SYT14: variants seen among roughly 807,000 people sequenced by gnomAD.
SYT14 encodes synaptotagmin 14.
SYT14 carries 32 observed loss-of-function variants against 74.2 expected under a neutral mutation model. That is an observed-to-expected ratio of 0.43 (90% CI 0.33 to 0.58). The LOEUF (loss-of-function observed/expected upper bound fraction) is 0.58, where lower values mean the gene tolerates loss of function less well. SYT14 is among the 20% of genes least tolerant of loss of function. The pLI is 0.05. For synonymous variants in SYT14, 298 were observed against 337.7 expected (o/e 0.88, Z 1.29); for missense variants, 791 against 981.8 (o/e 0.81, Z 2.60).
chr1:210,098,538 CAG>C (rs1368667475), intron 6 of SYT14, among the ~76,000 whole-genome samples: 1 of 152,082 alleles, frequency 6.6e-6, no homozygotes, highest in Non-Finnish European at 1.5e-5. Context: ...AAGAGTGAGA[CAG>C]AGAGTAGAGA....
intron 7 of SYT14, among the ~76,000 whole-genome samples, chr1:210,142,561 C>T (rs2082938402): frequency 6.6e-6 from 1 of 152,050 alleles, no homozygotes; most frequent in African/African-American, 2.4e-5. Flanking sequence ...CATATGCTGG[C>T]ATGGAGATTG....
chr1:210,094,455 C>T (rs1238116198), exon 6 of SYT14: 10 of 1,613,876 alleles, frequency 6.2e-6, no homozygotes, highest in Non-Finnish European at 7.6e-6. Context: ...GTGAATTTTC[C>T]CACTGCAGCA....
chr1:209,987,371 C>G (rs573195380), intron 2 of SYT14, among the ~76,000 whole-genome samples: 1 of 152,294 alleles, frequency 6.6e-6, no homozygotes, highest in East Asian at 1.9e-4. Context: ...GCAAGCATGG[C>G]GCTGGCATCT....
Position 210,037,522 on chromosome 1 carries a change from T to C in SYT14, c.1312+16268T>C, listed in dbSNP as rs1319913367. Reference sequence around the variant, plus strand: ...GCAACATTAGGTTGGTGATTTGTGATTTTTCTGTTTTTTTTTTTTTTATTG... The same window carrying C: ...GCAACATTAGGTTGGTGATTTGTGACTTTTCTGTTTTTTTTTTTTTTATTG... On this transcript the variant is annotated intron_variant, in intron 5 of 9. Coordinates refer to ENST00000637265, the Ensembl canonical transcript of SYT14. Among the ~76,000 whole-genome samples, 2 of 104,168 alleles carry C rather than the reference T, an allele frequency of 1.9e-5. 1 individual carries two copies. Among genetic ancestry groups the C allele is most frequent in the Admixed American group, 1.9e-4 (2 of 10,264 alleles). 68.3% of individuals were successfully genotyped at this position (104,168 alleles called of 152,430 possible). A position where few individuals can be genotyped will look rare whatever the true frequency, so the allele number is the denominator to read the frequency against.
At chr1:210,094,691 A>C (rs2081938429) in intron 6 of SYT14, 98 bp downstream of exon 5, 1 of 1,364,488 alleles carries the variant, frequency 7.3e-7, no homozygotes, top group Non-Finnish European at 1.0e-6. Flanking sequence ...TTTATCACTT[A>C]TTCCTTTGTA....
At chr1:210,000,006 A>G (rs2102873765) in intron 2 of SYT14, among the ~76,000 whole-genome samples, 1 of 152,326 alleles carries the variant, frequency 6.6e-6, no homozygotes, top group Non-Finnish European at 1.5e-5. Flanking sequence ...ACAAAATATC[A>G]GATGTACCCC....
At chr1:209,939,387 A>G (rs1398069309) in intron 1 of SYT14, among the ~76,000 whole-genome samples, 3 of 152,226 alleles carry the variant, frequency 2.0e-5, no homozygotes, top group East Asian at 1.9e-4. Flanking sequence ...CACTGGTAGT[A>G]TGCATCTCTG....
At position 209,955,870 on chromosome 1, in the gene SYT14, A is replaced by G. The variant is rs142830572; in HGVS notation, c.-486+3114A>G. Among the ~76,000 whole-genome samples the G allele has an allele frequency of 7.3e-3, 1,117 of 152,284 alleles. 7 individuals are homozygous for G. Among genetic ancestry groups the G allele is most frequent in the African/African-American group, 0.025 (1,049 of 41,562 alleles). The stretch of plus-strand genomic sequence containing the variant: ...CCTTTCTATCTGTGGACCTGTGAAA[A>G]TAGAAACCAAGTTACCCTCCTATGC... On this transcript the variant is annotated intron_variant, in intron 2 of 9. Transcript: ENST00000637265.
At chr1:209,960,254 CA>C (rs1558093723) in intron 2 of SYT14, among the ~76,000 whole-genome samples, 1 of 152,058 alleles carries the variant, frequency 6.6e-6, no homozygotes, top group Non-Finnish European at 1.5e-5. Flanking sequence ...CACAAATCAA[CA>C]TGTAATATCC....
At chr1:210,147,182 A>G (rs530866990) in intron 7 of SYT14, among the ~76,000 whole-genome samples, 1 of 152,196 alleles carries the variant, frequency 6.6e-6, no homozygotes, top group Non-Finnish European at 1.5e-5. Context: ...AAAAAAAAGA[A>G]TAAGACAATG....
At chr1:210,002,397 T>C (rs1334952122) in intron 2 of SYT14, among the ~76,000 whole-genome samples, 1 of 152,092 alleles carries the variant, frequency 6.6e-6, no homozygotes, top group Non-Finnish European at 1.5e-5. Flanking sequence ...GGAATCTTTA[T>C]ATTGGAATCT....
intron 5 of SYT14, among the ~76,000 whole-genome samples, chr1:210,089,725 T>C (rs1326072675): frequency 1.3e-5 from 2 of 152,244 alleles, no homozygotes; most frequent in African/African-American, 4.8e-5. Flanking sequence ...GTAGTGGTCA[T>C]GTTACCAGTG....
intron 7 of SYT14, among the ~76,000 whole-genome samples, chr1:210,154,436 C>T (rs902543284): frequency 5.9e-5 from 9 of 152,088 alleles, no homozygotes; most frequent in African/African-American, 1.9e-4. Flanking sequence ...GGAAACTGGT[C>T]GCTGGTGCCA....
intron 5 of SYT14, among the ~76,000 whole-genome samples, chr1:210,085,469 C>G (rs2081707292): frequency 6.6e-6 from 1 of 152,132 alleles, no homozygotes; most frequent in South Asian, 2.1e-4. Flanking sequence ...GTAAAACTTT[C>G]AACATTTCAC....
chr1:209,992,209 G>A (rs571708235), intron 2 of SYT14, among the ~76,000 whole-genome samples: 35 of 152,090 alleles, frequency 2.3e-4, no homozygotes, highest in South Asian at 1.9e-3. Context: ...GCAGCGGCAC[G>A]ATCATAGCTC....
chr1:210,097,553 G>A (rs2081988817), intron 6 of SYT14, among the ~76,000 whole-genome samples: 1 of 151,736 alleles, frequency 6.6e-6, no homozygotes, highest in Non-Finnish European at 1.5e-5. Context: ...ACCAAGAGAA[G>A]TAAAATTCAA....
chr1:210,001,741 T>C (rs1037451617), intron 2 of SYT14, among the ~76,000 whole-genome samples: 5 of 152,152 alleles, frequency 3.3e-5, no homozygotes, highest in African/African-American at 1.2e-4. Context: ...AAGTAATGTT[T>C]AAGCAAAGAC....
At chr1:210,024,028 G>C (rs960303551) in intron 5 of SYT14, among the ~76,000 whole-genome samples, 1 of 152,206 alleles carries the variant, frequency 6.6e-6, no homozygotes, top group African/African-American at 2.4e-5. Flanking sequence ...AAAATGTAGA[G>C]AATGTTTCAG....
chr1:210,114,288 G>A (rs1350875914), intron 7 of SYT14, among the ~76,000 whole-genome samples: 1 of 151,460 alleles, frequency 6.6e-6, no homozygotes, highest in Non-Finnish European at 1.5e-5. Context: ...GATCCTGGGG[G>A]AGGAGGTCCT....
Sources: gnomAD v4.1 joint callset for allele counts (sites outside exome capture counted in the v4.1 genomes callset) on GRCh38, gnomAD v4.1.1 for gene constraint, MANE v1.5 for transcripts, NCBI Gene and HGNC (gene_info 2026-07-23, HGNC 2026-07-21) for gene names.